The following HDHD2 variants were observed in gnomAD, a reference collection of about 807,000 sequenced individuals.
HDHD2 encodes haloacid dehalogenase like hydrolase domain containing 2, also known as haloacid dehalogenase-like hydrolase domain-containing protein 2.
Under a neutral mutation model 24.8 loss-of-function variants are expected in HDHD2, and 26 were observed. That is an observed-to-expected ratio of 1.05 (90% CI 0.77 to 1.45). The LOEUF is 1.45. Among genes scored for constraint, HDHD2 ranks in the 40% most tolerant of loss-of-function variants. HDHD2 has a pLI of 0.00. For synonymous variants in HDHD2, 128 were observed against 114.9 expected (o/e 1.11, Z -0.73); for missense variants, 299 against 313.4 (o/e 0.95, Z 0.35).
intron 5 of HDHD2, 88 bp from the exon 6 acceptor site, chr18:47,113,128 T>A: frequency 9.4e-7 from 1 of 1,058,244 alleles, no homozygotes; most frequent in Non-Finnish European, 1.5e-6. Flanking sequence ...GGCTAGGGTG[T>A]CCAACTGTAA....
chr18:47,124,314 C>G (rs1482916634), intron 4 of HDHD2, among the ~76,000 whole-genome samples: 1 of 152,080 alleles, frequency 6.6e-6, no homozygotes, highest in Non-Finnish European at 1.5e-5. Context: ...AATTAAGAAC[C>G]TGATCTTCTC....
rs2063489999 is a variant in HDHD2 at position 47,108,385 on chromosome 18, AG to A, written c.*296del. The A allele has an allele frequency of 3.5e-5, 9 of 256,382 alleles. No homozygotes were observed. The South Asian group carries it at 1.1e-3, about 32-fold the overall frequency. The allele number at this position is 256,382 out of a possible 1,614,324, so 15.9% of individuals were successfully genotyped here. ...GACAGCAGAGAACACTCTTCCCTGT[AG>A]TAGCTTTTCCCCCACAGCCCCACCT... On this transcript the variant is annotated 3_prime_UTR_variant, in exon 7 of 7. Transcript: ENST00000300605.
chr18:47,113,947 G>A (rs2063536396), intron 5 of HDHD2, among the ~76,000 whole-genome samples: 1 of 152,062 alleles, frequency 6.6e-6, no homozygotes, highest in Non-Finnish European at 1.5e-5. Context: ...AGACGGTGGG[G>A]GGCAGGGAAC....
At chr18:47,135,240 T>C (rs1212244261) in intron 2 of HDHD2, among the ~76,000 whole-genome samples, 3 of 151,492 alleles carry the variant, frequency 2.0e-5, no homozygotes, top group Admixed American at 1.3e-4. Flanking sequence ...CACTGTGATA[T>C]GAGTCACTAG....
At chr18:47,138,677 T>C (rs1487056728) in intron 1 of HDHD2, among the ~76,000 whole-genome samples, 1 of 152,208 alleles carries the variant, frequency 6.6e-6, no homozygotes, top group Non-Finnish European at 1.5e-5. Flanking sequence ...TACAAAATGA[T>C]TTTTTCCACG....
intron 1 of HDHD2, among the ~76,000 whole-genome samples, chr18:47,145,742 C>A (rs1041499108): frequency 6.6e-6 from 1 of 151,998 alleles, no homozygotes; most frequent in Non-Finnish European, 1.5e-5. Flanking sequence ...AAAGCACAAA[C>A]CATTGAAGAA....
chr18:47,111,078 G>C, intron 6 of HDHD2: 2 of 985,358 alleles, frequency 2.0e-6, no homozygotes, highest in Non-Finnish European at 2.4e-6. Context: ...CATGTTTTTA[G>C]AACAGTAGGG....
rs1260024110 is a variant in HDHD2, at chr18:47,115,367, A to G, written c.396-19T>C. ...GAGTAACCTAGAGAGAACAACAACAAAAAAAACAAATTGGCTAAAAGCAAG... is the reference window on the plus strand; with the variant it reads ...GAGTAACCTAGAGAGAACAACAACAGAAAAAACAAATTGGCTAAAAGCAAG... On this transcript the variant is annotated intron_variant, in intron 4 of 6. Transcript: ENST00000300605. 6.3e-7 allele frequency: 1 copy of G among 1,587,526 alleles called. No individual in the cohort carries two copies. The highest frequency in any genetic ancestry group is 1.7e-5 in the Admixed American group (1 of 57,816).
chr18:47,130,570 C>T (rs1033052102), intron 3 of HDHD2, among the ~76,000 whole-genome samples: 1 of 152,172 alleles, frequency 6.6e-6, no homozygotes, highest in Non-Finnish European at 1.5e-5. Context: ...ATTCCTTGTG[C>T]ACAGTCTTAA....
chr18:47,116,863 T>C (rs777297412), intron 4 of HDHD2, among the ~76,000 whole-genome samples: 10 of 152,244 alleles, frequency 6.6e-5, no homozygotes, highest in Non-Finnish European at 1.5e-4. Context: ...GCTTTGTTAA[T>C]ATTTTATCAT....
In HDHD2 at chr18:47,132,277, T is replaced by C. The variant is rs142412188; in HGVS notation, c.311-1949A>G. Among the ~76,000 whole-genome samples the C allele has an allele frequency of 2.0e-5, 3 of 152,300 alleles. No homozygotes were observed. In the East Asian group the frequency reaches 5.8e-4, roughly 29 times the overall value. On this transcript the variant is annotated intron_variant, in intron 3 of 6. Coordinates refer to ENST00000300605, the MANE Select transcript of HDHD2 (RefSeq NM_032124.5). Reference sequence around the variant, plus strand: ...TATCAAGAGATAGAACTTTTCATCATTATTTAATTTTCAGCTACAAAGCAT... The same window carrying C: ...TATCAAGAGATAGAACTTTTCATCACTATTTAATTTTCAGCTACAAAGCAT...
chr18:47,123,326 A>G (rs1386670118), intron 4 of HDHD2, among the ~76,000 whole-genome samples: 1 of 152,188 alleles, frequency 6.6e-6, no homozygotes, highest in Non-Finnish European at 1.5e-5. Context: ...AGTGGCTCAC[A>G]CCTGTAATCC....
chr18:47,145,419 A>C (rs964216294), intron 1 of HDHD2, among the ~76,000 whole-genome samples: 1 of 152,240 alleles, frequency 6.6e-6, no homozygotes, highest in Non-Finnish European at 1.5e-5. Context: ...GTATTAGTAC[A>C]TATGGAGACG....
intron 6 of HDHD2, chr18:47,111,453 T>G (rs769264605): frequency 2.0e-6 from 2 of 984,238 alleles, no homozygotes; most frequent in Non-Finnish European, 2.4e-6. Context: ...AAGGATTTCT[T>G]CAATAATGAG....
intron 3 of HDHD2, among the ~76,000 whole-genome samples, chr18:47,132,151 A>G (rs1472898282): frequency 3.3e-5 from 5 of 152,158 alleles, no homozygotes; most frequent in African/African-American, 1.2e-4. Flanking sequence ...AGACAAATAC[A>G]TATGTATATC....
intron 6 of HDHD2, chr18:47,110,313 T>C (rs2063505492): frequency 1.0e-6 from 1 of 985,118 alleles, no homozygotes; most frequent in Non-Finnish European, 1.2e-6. Context: ...GTAATTAATA[T>C]ATACCTCACT....
chr18:47,112,869 G>A (rs2063526502), intron 6 of HDHD2, 108 bp downstream of exon 6: 2 of 851,776 alleles, frequency 2.3e-6, no homozygotes, highest in Admixed American at 4.3e-5. Context: ...GTGGCAGGAA[G>A]AGAATAAAAG....
intron 4 of HDHD2, 130 bp downstream of exon 4, chr18:47,130,114 A>G (rs2063698586): frequency 1.8e-6 from 1 of 548,466 alleles, no homozygotes; most frequent in Admixed American, 3.5e-5. Flanking sequence ...GCTGATCTTG[A>G]AGATGTCTAT....
chr18:47,125,938 C>G (rs2063654727), intron 4 of HDHD2, among the ~76,000 whole-genome samples: 1 of 152,146 alleles, frequency 6.6e-6, no homozygotes, highest in Non-Finnish European at 1.5e-5. Flanking sequence ...GTAAACAAAT[C>G]ATATTTAGAG....
Sources: allele counts gnomAD v4.1 joint callset (sites outside exome capture counted in the v4.1 genomes callset), GRCh38; gene constraint gnomAD v4.1.1; transcripts MANE v1.5; gene names NCBI Gene and HGNC (gene_info 2026-07-23, HGNC 2026-07-21).